The following MIOX variants were observed in gnomAD, a reference collection of about 807,000 sequenced individuals.
MIOX encodes the protein inositol oxygenase.
MIOX carries 51 observed loss-of-function variants against 42.7 expected under a neutral mutation model. That is an observed-to-expected ratio of 1.19 (90% confidence interval 0.95 to 1.51). The LOEUF (loss-of-function observed/expected upper bound fraction) is 1.51. MIOX is among the 40% of genes most tolerant of loss of function. The probability of loss-of-function intolerance (pLI) is 0.00; values close to 1 mark genes in which losing one functional copy is unlikely to be tolerated. For synonymous variants in MIOX, 168 were observed against 154.4 expected (o/e 1.09, Z -0.65); for missense variants, 395 against 381.3 (o/e 1.04, Z -0.30).
In MIOX at chr22:50,489,132, C is replaced by T. The variant is rs748314316; in HGVS notation, c.501C>T (p.Leu167=). The change falls in exon 6 of 10, where the codon CTC becomes CTT. Residue 167 remains leucine, a synonymous_variant. Transcript: ENST00000216075. ...CDSTFQDNPD[L]QDPRYSTELG... ...CCACCTTCCAGGACAACCCTGACCT[C>T]CAGGATCCTCGATACAGGTGCTCCC... 6.2e-7 allele frequency: 1 copy of T among 1,613,394 alleles called. No homozygotes were observed. The highest frequency in any genetic ancestry group is 8.5e-7 in the Non-Finnish European group (1 of 1,179,934).
chr22:50,487,261 C>A, intron 1 of MIOX, 124 bp from the exon 2 acceptor site: 1 of 804,332 alleles, frequency 1.2e-6, no homozygotes, highest in Non-Finnish European at 2.0e-6. Context: ...GCTGTGTCCT[C>A]GCGTGTCACC....
At position 50,486,917 on chromosome 22, in the gene MIOX, G is replaced by A. The variant is rs1158613886; in HGVS notation, c.15+5G>A. On this transcript the variant is annotated splice_donor_5th_base_variant and intron_variant, in intron 1 of 9. Transcript: ENST00000216075. ...CTCAGGATGAAGGTGACGGTGGTGA[G>A]TACCCAGACCCCATGCAGAGAGGCT... is the stretch of plus-strand genomic sequence containing the variant. 2 of 1,613,792 alleles carry A rather than the reference G, an allele frequency of 1.2e-6. No individual in the cohort carries two copies. The highest frequency in any genetic ancestry group is 8.5e-7 in the Non-Finnish European group (1 of 1,179,966).
intron 8 of MIOX, 21 bp from the exon 9 acceptor site, chr22:50,489,511 G>A (rs371441335): frequency 2.4e-5 from 39 of 1,611,994 alleles, no homozygotes; most frequent in Admixed American, 2.2e-4. Context: ...CAAGTGAGCC[G>A]CTGGGTGGCC....
At position 50,489,274 on chromosome 22, in the gene MIOX, C is replaced by T. The variant is rs1475371630; in HGVS notation, c.565C>T (p.Leu189Phe). The part of the protein sequence containing the change: ...YQPHCGLDRV[L>F]MSWGHDEYMY... ...GCCCCACTGTGGGCTCGACAGGGTC[C>T]TCATGTCCTGGGGCCATGATGGTGA... is the stretch of plus-strand genomic sequence containing the variant. Residue 189 changes from leucine to phenylalanine, a missense_variant, in exon 7 of 10, where the codon CTC becomes TTC. Leu to Phe is a conservative substitution (Grantham distance 22, BLOSUM62 0). Coordinates refer to ENST00000216075, the MANE Select transcript of MIOX (RefSeq NM_017584.6). 6.3e-7 allele frequency: 1 copy of T among 1,596,448 alleles called. No homozygotes were observed. Among genetic ancestry groups the T allele is most frequent in the African/African-American group, 1.4e-5 (1 of 74,002 alleles).
In MIOX at chr22:50,488,304, G is replaced by A. The variant is rs766169332; in HGVS notation, c.370G>A (p.Asp124Asn). 13 of 1,612,850 alleles carry A rather than the reference G, an allele frequency of 8.1e-6. No individual in the cohort carries two copies. The highest frequency in any genetic ancestry group is 6.7e-5 in the Admixed American group (4 of 59,808). Residue 124 changes from aspartate (D) to asparagine (N), a missense_variant, in exon 5 of 10, where the codon GAC becomes AAC. By Grantham distance (23) the Asp-to-Asn change is conservative (BLOSUM62 1). Transcript: ENST00000216075. ...DWFHLVGLLH[D>N]LGKVLALFGE... ...GTTCCACCTCGTCGGGCTCCTGCAC[G>A]ACCTGGGGAAGGTCCTGGCCCTGTT...
Position 50,490,116 on chromosome 22 carries a change from G to C in MIOX, c.*260G>C. On this transcript the variant is annotated 3_prime_UTR_variant, in exon 10 of 10. Transcript: ENST00000216075. ...CGAGGGATGGTGCCAGCAGGGTGGA[G>C]GCCAAGTCCCAGGCTTTCAGGTGTG... 1 of 523,852 alleles carries C rather than the reference G, an allele frequency of 1.9e-6. No individual in the cohort carries two copies. The highest frequency in any genetic ancestry group is 3.5e-6 in the Non-Finnish European group (1 of 287,710). 32.5% of individuals were successfully genotyped at this position (523,852 alleles called of 1,614,324 possible).
intron 3 of MIOX, 29 bp from the exon 4 acceptor site, chr22:50,487,857 G>A: frequency 6.2e-7 from 1 of 1,613,152 alleles, no homozygotes; most frequent in Non-Finnish European, 8.5e-7. Context: ...GCTGACCCTG[G>A]GCCACACTGC....
rs1304630714 is a variant in MIOX at position 50,488,770 on chromosome 22, GTCCCTCCCA to G, written c.409-261_409-253del. ...GCTGCCTGTCCCTCCTGTCCCTCCTGTCCCTCCCATCCCTCCCGTCCCTCCTGTCCCTCC... is the reference window on the plus strand; with the variant it reads ...GCTGCCTGTCCCTCCTGTCCCTCCTGTCCCTCCCGTCCCTCCTGTCCCTCC... On this transcript the variant is annotated intron_variant, in intron 5 of 9. Transcript: ENST00000216075. Among the ~76,000 whole-genome samples, 8 of 56,440 alleles carry G rather than the reference GTCCCTCCCA, an allele frequency of 1.4e-4. 1 individual carries two copies. Among genetic ancestry groups the G allele is most frequent in the Admixed American group, 2.9e-4 (1 of 3,478 alleles). The allele number at this position is 56,440 out of a possible 152,430, so 37.0% of individuals were successfully genotyped here.
rs754165114 is a variant in MIOX, at chr22:50,487,913, A to T, written c.205A>T (p.Lys69Ter). 6.2e-7 allele frequency: 1 copy of T among 1,613,894 alleles called. No homozygotes were observed. Among genetic ancestry groups the T allele is most frequent in the East Asian group, 2.2e-5 (1 of 44,870 alleles). The change falls in exon 4 of 10, where the codon AAG (lysine) becomes TAG (stop). Residue 69 changes from lysine (K) to a stop codon, truncating the protein, a stop_gained. Transcript: ENST00000216075. LOFTEE classifies it high-confidence loss of function. ...TGCCCAGTTTGGGGGCTTCTCCTAC[A>T]AGAAAATGACAGTCATGGAGGCCGT... ...KHAQFGGFSY[K>*]KMTVMEAVDL...
chr22:50,488,412 C>A (rs1195034138), intron 5 of MIOX, 70 bp downstream of exon 5: 1 of 1,340,486 alleles, frequency 7.5e-7, no homozygotes, highest in African/African-American at 1.4e-5. Flanking sequence ...GGCCTTGGTG[C>A]TTGGCCTGGG....
At chr22:50,488,921 C>T (rs1443057098) in intron 5 of MIOX, 119 bp from the exon 6 acceptor site, 6 of 713,276 alleles carry the variant, frequency 8.4e-6, no homozygotes, top group Non-Finnish European at 1.2e-5. Context: ...TCATCGGTGA[C>T]ACCTTCCCCC....
rs745501845 is a variant in MIOX, at chr22:50,488,020, G to A, written c.312G>A (p.Glu104=). ...CCTTCCATGCCTTCCAGACAGCGGA[G>A]GGCATCCGGAAGGCCCACCCAGACA... ...PNSFHAFQTA[E]GIRKAHPDKD... Residue 104 remains glutamate, a synonymous_variant, in exon 4 of 10, where the codon GAG becomes GAA. Transcript: ENST00000216075. 1.2e-6 allele frequency: 2 copies of A among 1,613,742 alleles called. No homozygotes were observed. The highest frequency in any genetic ancestry group is 2.7e-5 in the African/African-American group (2 of 74,940).
rs951834315 is a variant in MIOX, at chr22:50,487,376, C to G, written c.16-9C>G. The G allele has an allele frequency of 1.9e-5, 30 of 1,608,582 alleles. No individual in the cohort carries two copies. The highest frequency in any genetic ancestry group is 2.5e-5 in the Non-Finnish European group (30 of 1,177,376). ...ATGGTGAAATAGGTTCAATCCTCCA[C>G]CTACCCAGGGCCCAGACCCTTCCCT... On this transcript the variant is annotated splice_polypyrimidine_tract_variant and intron_variant, in intron 1 of 9. Transcript: ENST00000216075.
rs775496426 is a variant in MIOX, at chr22:50,488,291, C to G, written c.357C>G (p.Val119=). 6.2e-7 allele frequency: 1 copy of G among 1,613,144 alleles called. No individual in the cohort carries two copies. The highest frequency in any genetic ancestry group is 8.5e-7 in the Non-Finnish European group (1 of 1,179,512). ...AHPDKDWFHL[V]GLLHDLGKVL... Reference sequence around the variant, plus strand: ...CCCTCCCAGACTGGTTCCACCTCGTCGGGCTCCTGCACGACCTGGGGAAGG... The same window carrying G: ...CCCTCCCAGACTGGTTCCACCTCGTGGGGCTCCTGCACGACCTGGGGAAGG... The change falls in exon 5 of 10, where the codon GTC becomes GTG. Residue 119 remains valine, a synonymous_variant. Transcript: ENST00000216075.
At chr22:50,488,639 C>T (rs545844214) in intron 5 of MIOX, among the ~76,000 whole-genome samples, 3 of 135,580 alleles carry the variant, frequency 2.2e-5, no homozygotes, top group East Asian at 2.2e-4. Context: ...ACGGCCTCCC[C>T]GCACCACTCC....
At position 50,489,076 on chromosome 22, in the gene MIOX, C is replaced by G; in HGVS notation, c.445C>G (p.Arg149Gly). The G allele has an allele frequency of 6.2e-7, 1 of 1,612,202 alleles. No individual in the cohort carries two copies. Among genetic ancestry groups the G allele is most frequent in the Non-Finnish European group, 8.5e-7 (1 of 1,179,884 alleles). ...VVGDTFPVGC[R>G]PQASVVFCDS... ...CGGCGACACCTTCCCCGTCGGATGC[C>G]GTCCGCAGGCCTCCGTGGTTTTCTG... The change falls in exon 6 of 10, where the codon CGT (arginine) becomes GGT (glycine). Residue 149 changes from arginine to glycine, a missense_variant. Transcript: ENST00000216075.
In MIOX at chr22:50,488,304, G is replaced by T; in HGVS notation, c.370G>T (p.Asp124Tyr). Residue 124 changes from aspartate (D) to tyrosine (Y), a missense_variant, in exon 5 of 10, where the codon GAC (aspartate) becomes TAC (tyrosine). Coordinates refer to ENST00000216075, the MANE Select transcript of MIOX (RefSeq NM_017584.6). Reference protein sequence around the residue: ...DWFHLVGLLHDLGKVLALFGE... With the variant: ...DWFHLVGLLHYLGKVLALFGE... ...GTTCCACCTCGTCGGGCTCCTGCAC[G>T]ACCTGGGGAAGGTCCTGGCCCTGTT... 6.2e-7 allele frequency: 1 copy of T among 1,612,962 alleles called. No homozygotes were observed. Among genetic ancestry groups the T allele is most frequent in the South Asian group, 1.1e-5 (1 of 90,896 alleles).
Position 50,487,947 on chromosome 22 carries a change from T to C in MIOX, c.239T>C (p.Leu80Pro). Residue 80 changes from leucine (L) to proline (P), a missense_variant, in exon 4 of 10, where the codon CTG becomes CCG. Physicochemically the swap from Leu to Pro is moderately conservative, Grantham distance 98. Transcript: ENST00000216075. Reference protein sequence around the residue: ...KMTVMEAVDLLDGLVDESDPD... With the variant: ...KMTVMEAVDLPDGLVDESDPD... ...ACAGTCATGGAGGCCGTGGACCTGC[T>C]GGATGGGCTGGTGGATGAGTCGGAC... 2 of 1,614,024 alleles carry C rather than the reference T, an allele frequency of 1.2e-6. No homozygotes were observed. The highest frequency in any genetic ancestry group is 1.7e-6 in the Non-Finnish European group (2 of 1,179,942).
intron 3 of MIOX, 66 bp downstream of exon 3, chr22:50,487,808 C>G: frequency 6.2e-7 from 1 of 1,610,562 alleles, no homozygotes; most frequent in Non-Finnish European, 8.5e-7. Context: ...ATGAGCCCAC[C>G]AGGCGCCGAG....
Sources: allele counts gnomAD v4.1 joint callset (sites outside exome capture counted in the v4.1 genomes callset), GRCh38; gene constraint gnomAD v4.1.1; transcripts MANE v1.5; gene names NCBI Gene and HGNC (gene_info 2026-07-23, HGNC 2026-07-21).